USP6: variants seen among roughly 807,000 people sequenced by gnomAD.
The protein encoded by USP6 is ubiquitin carboxyl-terminal hydrolase 6.
In USP6, 128 loss-of-function variants were observed where a neutral mutation model predicts 175.7. That is an observed-to-expected ratio of 0.73 (90% CI 0.63 to 0.84). The LOEUF is 0.84. USP6 is among the 40% of genes least tolerant of loss of function. The pLI is 0.00. For synonymous variants in USP6, 562 were observed against 630.6 expected (o/e 0.89, Z 1.63); for missense variants, 1,498 against 1,760.3 (o/e 0.85, Z 2.67).
At chr17:5,172,129 T>C (rs1169718956) in intron 37 of USP6, among the ~76,000 whole-genome samples, 3 of 147,608 alleles carry the variant, frequency 2.0e-5, no homozygotes, top group East Asian at 4.0e-4. Flanking sequence ...GAGCCAAGAC[T>C]GCACCACTGC....
At chr17:5,139,135 C>G in intron 21 of USP6, 120 bp from the exon 22 acceptor site, 1 of 1,597,664 alleles carries the variant, frequency 6.3e-7, no homozygotes, top group Non-Finnish European at 8.5e-7. Context: ...TCGTCAGTGT[C>G]AGACCACAGG....
intron 21 of USP6, among the ~76,000 whole-genome samples, 193 bp downstream of exon 21, chr17:5,138,466 A>T (rs1330071993): frequency 1.3e-5 from 2 of 152,086 alleles, no homozygotes; most frequent in African/African-American, 2.4e-5. Context: ...TGTATACTGG[A>T]TGTGTTGTGC....
At chr17:5,165,551 A>G (rs2074079928) in intron 33 of USP6, among the ~76,000 whole-genome samples, 1 of 152,190 alleles carries the variant, frequency 6.6e-6, no homozygotes, top group Admixed American at 6.6e-5. Flanking sequence ...AGTGCACTCC[A>G]GCCTGGGTAA....
intron 31 of USP6, among the ~76,000 whole-genome samples, chr17:5,156,220 T>A (rs921889984): frequency 1.3e-5 from 2 of 152,226 alleles, no homozygotes; most frequent in African/African-American, 4.8e-5. Flanking sequence ...ATTTGATTAG[T>A]AAATGCATTT....
At chr17:5,149,140 C>T (rs1394827964) in intron 30 of USP6, among the ~76,000 whole-genome samples, 7 of 152,132 alleles carry the variant, frequency 4.6e-5, no homozygotes, top group Non-Finnish European at 1.0e-4. Context: ...CAGTGGCTCA[C>T]ACCTGTAATC....
At chr17:5,148,532 C>T (rs759309949) in intron 29 of USP6, 24 bp from the exon 30 acceptor site, 15 of 1,612,322 alleles carry the variant, frequency 9.3e-6, no homozygotes, top group South Asian at 4.4e-5. Flanking sequence ...GCTTATGATG[C>T]TGTACTTATC....
intron 25 of USP6, among the ~76,000 whole-genome samples, chr17:5,143,592 C>T (rs1268259890): frequency 3.3e-5 from 5 of 151,804 alleles, no homozygotes; most frequent in Non-Finnish European, 7.4e-5. Flanking sequence ...TCCCTAATCT[C>T]AAGTACCCAG....
chr17:5,155,154 A>G (rs2073854434), intron 30 of USP6, among the ~76,000 whole-genome samples: 1 of 152,064 alleles, frequency 6.6e-6, no homozygotes. Flanking sequence ...ATCAGAGAAA[A>G]CTCTGGTTTG....
intron 3 of USP6, 32 bp downstream of exon 3, chr17:5,120,820 CAT>C (rs375384563): frequency 2.6e-5 from 12 of 452,968 alleles, no homozygotes; most frequent in Middle Eastern, 6.9e-4. Flanking sequence ...GGTGTGCACA[CAT>C]GTGGGCACAT....
intron 30 of USP6, among the ~76,000 whole-genome samples, chr17:5,151,390 G>A (rs780723390): frequency 1.3e-5 from 2 of 151,794 alleles, no homozygotes; most frequent in African/African-American, 2.4e-5. Context: ...CTAATCTACA[G>A]ATGACTTAAT....
chr17:5,138,018 A>G, intron 20 of USP6, 103 bp from the exon 21 acceptor site: 1 of 1,591,146 alleles, frequency 6.3e-7, no homozygotes, highest in African/African-American at 1.3e-5. Flanking sequence ...GGTGGCCACA[A>G]AAGGATTCGG....
At position 5,168,015 on chromosome 17, in the gene USP6, C is replaced by T; in HGVS notation, c.3120C>T (p.Phe1040=). 6.2e-7 allele frequency: 1 copy of T among 1,611,984 alleles called. No individual in the cohort carries two copies. Among genetic ancestry groups the T allele is most frequent in the Non-Finnish European group, 8.5e-7 (1 of 1,179,852 alleles). Residue 1040 remains phenylalanine, a synonymous_variant, in exon 34 of 38, where the codon TTC becomes TTT. Coordinates refer to ENST00000574788, the MANE Select transcript of USP6 (RefSeq NM_001304284.2). ...PINLDSCLRA[F]TSEEELGESE... ...ACCTGGACAGCTGTCTCCGTGCTTT[C>T]ACCAGTGAGGAAGAGCTAGGGGAAA...
Position 5,173,136 on chromosome 17 carries a change from A to G in USP6, c.*158A>G, listed in dbSNP as rs1356350171. 21 of 986,230 alleles carry G rather than the reference A, an allele frequency of 2.1e-5. No individual in the cohort carries two copies. The East Asian group carries it at 3.3e-4, about 15-fold the overall frequency. The allele number at this position is 986,230 out of a possible 1,614,324, so 61.1% of individuals were successfully genotyped here. A position where few individuals can be genotyped will look rare whatever the true frequency, so the allele number is the denominator to read the frequency against. ...AAAATAGTTAACTTGAAGAGTAGAA[A>G]CAATTGTATTTTGAAGTCTCATACA... is the stretch of plus-strand genomic sequence containing the variant. On this transcript the variant is annotated 3_prime_UTR_variant, in exon 38 of 38. Transcript: ENST00000574788.
chr17:5,127,771 C>G (rs2072937532), intron 7 of USP6, 132 bp downstream of exon 7: 2 of 152,222 alleles, frequency 1.3e-5, no homozygotes, highest in Non-Finnish European at 2.9e-5. Context: ...TATGCACATT[C>G]TCCCGTATAC....
intron 27 of USP6, 63 bp from the exon 28 acceptor site, chr17:5,145,960 C>T (rs573359834): frequency 1.3e-6 from 2 of 1,502,018 alleles, no homozygotes; most frequent in African/African-American, 1.4e-5. Context: ...TATCTGTACA[C>T]AGCATTTAAG....
intron 29 of USP6, 100 bp downstream of exon 29, chr17:5,147,294 CAGA>C (rs1377296494): frequency 7.6e-7 from 1 of 1,314,718 alleles, no homozygotes. Context: ...GATGTTATAG[CAGA>C]AGAACTTTGG....
intron 28 of USP6, 74 bp downstream of exon 28, chr17:5,146,248 GT>G (rs1227065641): frequency 1.1e-5 from 17 of 1,481,712 alleles, no homozygotes; most frequent in Non-Finnish European, 1.5e-5. Flanking sequence ...ATGATGATCA[GT>G]TGTTAGGTTA....
intron 21 of USP6, chr17:5,138,949 C>T: frequency 7.1e-7 from 1 of 1,399,228 alleles, no homozygotes; most frequent in Non-Finnish European, 9.5e-7. Context: ...CACTTGAGTT[C>T]TGATGGGGGG....
In USP6 at chr17:5,138,389, C is replaced by T. The variant is rs1025199146; in HGVS notation, c.1078+116C>T. 7.6e-5 allele frequency: 117 copies of T among 1,548,850 alleles called. No homozygotes were observed. The Middle Eastern group carries it at 1.1e-3, about 15-fold the overall frequency. ...GCCTTCCTCTTCACCTTTTCTTCCT[C>T]CTCTTCCTCCTGGACTCTAAGAAAG... On this transcript the variant is annotated intron_variant, in intron 21 of 37. Transcript: ENST00000574788.
Sources: gnomAD v4.1 joint callset for allele counts (sites outside exome capture counted in the v4.1 genomes callset) on GRCh38, gnomAD v4.1.1 for gene constraint, MANE v1.5 for transcripts, NCBI Gene and HGNC (gene_info 2026-07-23, HGNC 2026-07-21) for gene names.